The following LAMA2 variants were observed in gnomAD, a reference collection of about 807,000 sequenced individuals.
The protein encoded by LAMA2 is laminin subunit alpha 2.
LAMA2 carries 269 observed loss-of-function variants against 364.8 expected under a neutral mutation model. That is an observed-to-expected ratio of 0.74 (90% CI 0.67 to 0.82). The LOEUF is 0.82. Ranked by LOEUF, LAMA2 falls within the 40% of genes least tolerant of loss-of-function variation. The pLI is 0.00. For synonymous variants in LAMA2, 1,379 were observed against 1,370.6 expected, an observed-to-expected ratio of 1.01 and a Z score of -0.14; for missense variants, 3,807 against 3,873.2, an observed-to-expected ratio of 0.98 and a Z score of 0.45.
intron 1 of LAMA2, among the ~76,000 whole-genome samples, chr6:128,983,520 A>G (rs75515746): frequency 6.6e-6 from 1 of 152,320 alleles, no homozygotes; most frequent in East Asian, 1.9e-4. Context: ...GTGAATGGCC[A>G]CTGTCTTGAG....
chr6:129,172,731 C>A (rs2115006937), intron 9 of LAMA2, among the ~76,000 whole-genome samples: 1 of 152,298 alleles, frequency 6.6e-6, no homozygotes, highest in Middle Eastern at 3.4e-3. Context: ...GCTTTGTTTA[C>A]CTAATCAAGC....
At chr6:129,472,168 T>C (rs1256959309) in intron 51 of LAMA2, among the ~76,000 whole-genome samples, 1 of 151,956 alleles carries the variant, frequency 6.6e-6, no homozygotes, top group African/African-American at 2.4e-5. Context: ...AACCCAGTAT[T>C]TGTCATATTT....
chr6:128,962,788 C>T (rs1781615211), intron 1 of LAMA2, among the ~76,000 whole-genome samples: 1 of 152,262 alleles, frequency 6.6e-6, no homozygotes, highest in South Asian at 2.1e-4. Context: ...GCATGTATTT[C>T]TTTAGCTAAA....
At chr6:129,439,625 T>G (rs1333432811) in intron 42 of LAMA2, among the ~76,000 whole-genome samples, 1 of 151,980 alleles carries the variant, frequency 6.6e-6, no homozygotes, top group Non-Finnish European at 1.5e-5. Flanking sequence ...TGCTGGAAAT[T>G]TTTGCATGGT....
At chr6:129,442,261 T>C (rs1254137870) in intron 43 of LAMA2, 1 of 1,283,570 alleles carries the variant, frequency 7.8e-7, no homozygotes, top group Admixed American at 2.3e-5. Context: ...ATAGACATTA[T>C]TAATACGACT....
At chr6:128,889,284 G>A (rs1011708896) in intron 1 of LAMA2, among the ~76,000 whole-genome samples, 8 of 152,122 alleles carry the variant, frequency 5.3e-5, no homozygotes, top group Non-Finnish European at 1.2e-4. Flanking sequence ...AGACGCTAAA[G>A]TTTAGACACA....
At chr6:129,153,209 A>C (rs559256099) in intron 7 of LAMA2, among the ~76,000 whole-genome samples, 6 of 152,346 alleles carry the variant, frequency 3.9e-5, no homozygotes, top group African/African-American at 1.4e-4. Flanking sequence ...AAGAAGAAAA[A>C]TCAATTGCTA....
chr6:129,250,840 A>G (rs984338405), intron 13 of LAMA2, among the ~76,000 whole-genome samples: 27 of 152,180 alleles, frequency 1.8e-4, no homozygotes, highest in African/African-American at 5.1e-4. Context: ...ACACACATAC[A>G]TGCATGTTCA....
intron 27 of LAMA2, among the ~76,000 whole-genome samples, chr6:129,318,237 G>T (rs1320804756): frequency 2.6e-5 from 4 of 152,030 alleles, no homozygotes; most frequent in African/African-American, 4.8e-5. Flanking sequence ...TCTGTTTGAG[G>T]TTTGAACTTT....
intron 6 of LAMA2, 102 bp downstream of exon 6, chr6:129,147,150 TC>T (rs1426013386): frequency 7.6e-6 from 6 of 789,788 alleles, no homozygotes; most frequent in Admixed American, 1.7e-5. Flanking sequence ...GGGAGTCAGG[TC>T]CCCACTTAGA....
In LAMA2 at chr6:129,291,042, T is replaced by C. The variant is rs543400643; in HGVS notation, c.2750-572T>C. On this transcript the variant is annotated intron_variant, in intron 19 of 64. Coordinates refer to ENST00000421865, the MANE Select transcript of LAMA2 (RefSeq NM_000426.4). ...AACCGGCACACAGTAAATCATTAAA[T>C]CAAAAAAACTAACTAAATTTTTCTA... Among the ~76,000 whole-genome samples, 62 of 152,294 alleles carry C rather than the reference T, an allele frequency of 4.1e-4. 3 individuals carry two copies. The South Asian group carries it at 0.013, about 31-fold the overall frequency.
At position 129,094,065 on chromosome 6, in the gene LAMA2, GA is replaced by G. The variant is rs1321248752; in HGVS notation, c.397-4104del. Among the ~76,000 whole-genome samples, 18 of 152,254 alleles carry G rather than the reference GA, an allele frequency of 1.2e-4. No individual in the cohort carries two copies. In the South Asian group the frequency reaches 3.7e-3, roughly 32 times the overall value. On this transcript the variant is annotated intron_variant, in intron 3 of 64. Coordinates refer to ENST00000421865, the MANE Select transcript of LAMA2 (RefSeq NM_000426.4). ...AGACACAGTTAATAAAAGTAGCATA[GA>G]AAACATTAGAGAGTTATTTTATTAG...
intron 41 of LAMA2, chr6:129,436,757 T>C (rs1781852908): frequency 6.6e-6 from 1 of 152,178 alleles, no homozygotes; most frequent in African/African-American, 2.4e-5. Flanking sequence ...CATCTTACTG[T>C]TGCTTAGTTT....
intron 4 of LAMA2, among the ~76,000 whole-genome samples, chr6:129,131,270 T>G (rs953866041): frequency 6.6e-6 from 1 of 152,234 alleles, no homozygotes; most frequent in Non-Finnish European, 1.5e-5. Flanking sequence ...AAGTCCACTT[T>G]AGACAAATAA....
intron 51 of LAMA2, among the ~76,000 whole-genome samples, chr6:129,468,153 T>C (rs768993263): frequency 3.3e-5 from 5 of 151,884 alleles, no homozygotes; most frequent in Admixed American, 1.3e-4. Flanking sequence ...ACTTTTATTT[T>C]GGGTATTAAT....
intron 22 of LAMA2, among the ~76,000 whole-genome samples, chr6:129,305,132 C>A (rs1562438663): frequency 6.6e-6 from 1 of 152,084 alleles, no homozygotes; most frequent in Admixed American, 6.5e-5. Flanking sequence ...ATTGCTATGT[C>A]TTTTTGAAAA....
At chr6:129,188,251 A>C (rs1349893393) in intron 10 of LAMA2, among the ~76,000 whole-genome samples, 2 of 151,842 alleles carry the variant, frequency 1.3e-5, no homozygotes, top group East Asian at 3.9e-4. Flanking sequence ...TCCTACCCTA[A>C]TGTGTTGCTT....
At chr6:128,991,039 C>T (rs377677517) in intron 1 of LAMA2, among the ~76,000 whole-genome samples, 21 of 151,982 alleles carry the variant, frequency 1.4e-4, no homozygotes, top group African/African-American at 3.4e-4. Context: ...TCAGTTTAAA[C>T]GACTATAAAC....
intron 34 of LAMA2, among the ~76,000 whole-genome samples, chr6:129,379,311 C>A (rs1778547402): frequency 6.6e-6 from 1 of 150,812 alleles, no homozygotes; most frequent in Non-Finnish European, 1.5e-5. Flanking sequence ...CAACAAACCC[C>A]ATTATGCATG....
Sources: allele counts gnomAD v4.1 joint callset (sites outside exome capture counted in the v4.1 genomes callset), GRCh38; gene constraint gnomAD v4.1.1; transcripts MANE v1.5; gene names NCBI Gene and HGNC (gene_info 2026-07-23, HGNC 2026-07-21).